The following ZNF207 variants were observed in gnomAD, a reference collection of about 807,000 sequenced individuals.
The protein encoded by ZNF207 is BUB3-interacting and GLEBS motif-containing protein ZNF207.
In ZNF207, 24 loss-of-function variants were observed where a neutral mutation model predicts 60.2. That is an observed-to-expected ratio of 0.40 (90% CI 0.29 to 0.56). The LOEUF is 0.56. ZNF207 is among the 20% of genes least tolerant of loss of function. ZNF207 has a pLI of 0.49. For missense variants in ZNF207, 452 were observed against 636.6 expected (o/e 0.71, Z 3.12); for synonymous variants, 236 against 194.7 (o/e 1.21, Z -1.77).
In ZNF207 at chr17:32,379,487, TA is replaced by T. The variant is rs1328952986; in HGVS notation, c.*9729del. The T allele has an allele frequency of 6.6e-6, 1 of 152,180 alleles. No individual in the cohort carries two copies. The highest frequency in any genetic ancestry group is 1.5e-5 in the Non-Finnish European group (1 of 67,992). 9.4% of individuals were successfully genotyped at this position (152,180 alleles called of 1,614,324 possible). A position where few individuals can be genotyped will look rare whatever the true frequency, so the allele number is the denominator to read the frequency against. On this transcript the variant is annotated 3_prime_UTR_variant, in exon 12 of 12. Transcript: ENST00000394670. ...AGATGGAATAAATGTTTAAAATTAG[TA>T]TTTAAGAAAGTTCTTAAACATTTTT...
chr17:32,350,799 TTTAGTAAAGAACCAAG>T (rs2150784484), intron 1 of ZNF207: 1 of 153,250 alleles, frequency 6.5e-6, no homozygotes, highest in Admixed American at 6.5e-5. Context: ...GAATTGGCGG[TTTAGTAAAGAACCAAG>T]TTAGTCAACC....
chr17:32,350,463 T>A (rs1176594871), intron 1 of ZNF207, 137 bp downstream of exon 1: 2 of 1,170,810 alleles, frequency 1.7e-6, no homozygotes, highest in Admixed American at 1.9e-5. Flanking sequence ...GTGGCTGGGA[T>A]TGGACTTGGG....
intron 1 of ZNF207, among the ~76,000 whole-genome samples, chr17:32,350,748 T>G (rs1047715250): frequency 1.3e-5 from 2 of 152,182 alleles, no homozygotes; most frequent in African/African-American, 4.8e-5. Flanking sequence ...CCACTTTTTC[T>G]GTTTTTATTT....
intron 2 of ZNF207, among the ~76,000 whole-genome samples, chr17:32,357,298 AATTTGCT>A: frequency 6.7e-6 from 1 of 148,738 alleles, no homozygotes; most frequent in African/African-American, 2.5e-5. Context: ...ATACTTAGAA[AATTTGCT>A]ATTCTAATTA....
At chr17:32,363,769 T>C (rs191614470) in intron 7 of ZNF207, among the ~76,000 whole-genome samples, 50 of 151,084 alleles carry the variant, frequency 3.3e-4, no homozygotes, top group Admixed American at 3.2e-3. Context: ...GACCTCAGGT[T>C]ATCCGCCTGC....
chr17:32,367,261 AT>A lies in ZNF207; in HGVS notation c.921+505del, dbSNP rs1567824904. ...GGATTATATATATATATATATATAT[AT>A]ATATATATATATATATATATATAAA... On this transcript the variant is annotated intron_variant, in intron 9 of 11. Coordinates refer to ENST00000394670, the MANE Select transcript of ZNF207 (RefSeq NM_001098507.2). Among the ~76,000 whole-genome samples, 70 of 113,428 alleles carry A rather than the reference AT, an allele frequency of 6.2e-4. 5 individuals are homozygous for A. The highest frequency in any genetic ancestry group is 2.3e-3 in the South Asian group (9 of 3,910). The allele number at this position is 113,428 out of a possible 152,430, so 74.4% of individuals were successfully genotyped here.
intron 2 of ZNF207, among the ~76,000 whole-genome samples, chr17:32,357,368 A>G (rs1034228716): frequency 1.2e-5 from 1 of 85,330 alleles, no homozygotes; most frequent in Non-Finnish European, 2.1e-5. Flanking sequence ...TTTTTTTTTG[A>G]GACAGAATCT....
intron 5 of ZNF207, 31 bp from the exon 6 acceptor site, chr17:32,361,433 CAGTT>C (rs776145938): frequency 1.2e-5 from 19 of 1,580,620 alleles, no homozygotes; most frequent in African/African-American, 2.7e-5. Flanking sequence ...TTGAAAATCA[CAGTT>C]AGATTTTGAT....
Position 32,376,170 on chromosome 17 carries a change from A to T in ZNF207, c.*6411A>T, listed in dbSNP as rs1285942391. 6.6e-6 allele frequency: 1 copy of T among 152,008 alleles called. No individual in the cohort carries two copies. Among genetic ancestry groups the T allele is most frequent in the Non-Finnish European group, 1.5e-5 (1 of 67,880 alleles). The allele number at this position is 152,008 out of a possible 1,614,324, so 9.4% of individuals were successfully genotyped here. ...TCTTAGGCACCCTATTATGGATCTA[A>T]TTCAAACCAATATGTAGGAAATGGA... is the stretch of plus-strand genomic sequence containing the variant. On this transcript the variant is annotated 3_prime_UTR_variant, in exon 12 of 12. Transcript: ENST00000394670.
intron 3 of ZNF207, 152 bp from the exon 4 acceptor site, chr17:32,360,446 A>T: frequency 1.4e-6 from 1 of 694,210 alleles, no homozygotes. Flanking sequence ...GCGAAAACAC[A>T]TTTGAAGAAC....
At chr17:32,361,321 C>CA (rs1904870473) in intron 5 of ZNF207, 147 bp from the exon 6 acceptor site, 3 of 608,722 alleles carry the variant, frequency 4.9e-6, no homozygotes, top group Middle Eastern at 4.3e-4. Context: ...ATTTATTTGT[C>CA]AAAGCATCAA....
rs796485925 is a variant in ZNF207 at position 32,377,782 on chromosome 17, T to TA, written c.*8037dup. The TA allele has an allele frequency of 0.018, 2,528 of 142,040 alleles. 29 individuals carry two copies. The highest frequency in any genetic ancestry group is 0.036 in the African/African-American group (1,394 of 38,976). The allele number at this position is 142,040 out of a possible 1,614,324, so 8.8% of individuals were successfully genotyped here. ...TAGCCAATATAAGGTAACTTCTGTT[T>TA]AAAAAAAAAAAAAACTAGGGAAAAG... On this transcript the variant is annotated 3_prime_UTR_variant, in exon 12 of 12. Transcript: ENST00000394670.
At chr17:32,362,160 A>G (rs1227859643) in intron 6 of ZNF207, among the ~76,000 whole-genome samples, 1 of 145,504 alleles carries the variant, frequency 6.9e-6, no homozygotes, top group African/African-American at 2.6e-5. Context: ...GTGTGTGTAT[A>G]TGTATGTATT....
rs1597803850 is a variant in ZNF207, at chr17:32,377,537, T to C, written c.*7778T>C. On this transcript the variant is annotated 3_prime_UTR_variant, in exon 12 of 12. Coordinates refer to ENST00000394670, the MANE Select transcript of ZNF207 (RefSeq NM_001098507.2). ...ATTGAGAATCTCTGATGTGACAAAA[T>C]CAATTTTTACAAAAGTTGAATTAAA... 1 of 152,112 alleles carries C rather than the reference T, an allele frequency of 6.6e-6. No individual in the cohort carries two copies. The highest frequency in any genetic ancestry group is 2.4e-5 in the African/African-American group (1 of 41,558). 9.4% of individuals were successfully genotyped at this position (152,112 alleles called of 1,614,324 possible).
In ZNF207 at chr17:32,368,164, A is replaced by G. The variant is rs138879877; in HGVS notation, c.1164+150A>G. ...GGTTTTTGCCATTCTGATTCTTAAG[A>G]AATCATAAAATACTTAAAGTGGACA... On this transcript the variant is annotated intron_variant, in intron 10 of 11. Transcript: ENST00000394670. 59 of 1,105,084 alleles carry G rather than the reference A, an allele frequency of 5.3e-5. No individual in the cohort carries two copies. In the East Asian group the frequency reaches 1.4e-3, roughly 27 times the overall value. 68.5% of individuals were successfully genotyped at this position (1,105,084 alleles called of 1,614,324 possible). A position where few individuals can be genotyped will look rare whatever the true frequency, so the allele number is the denominator to read the frequency against.
chr17:32,376,421 T>G lies in ZNF207; in HGVS notation c.*6662T>G, dbSNP rs1183717558. 1 of 152,112 alleles carries G rather than the reference T, an allele frequency of 6.6e-6. No homozygotes were observed. Among genetic ancestry groups the G allele is most frequent in the Non-Finnish European group, 1.5e-5 (1 of 67,934 alleles). The allele number at this position is 152,112 out of a possible 1,614,324, so 9.4% of individuals were successfully genotyped here. Reference sequence around the variant, plus strand: ...TATACATTTTTGCATAATATTTTAGTCTTGAAAAGCTTTTCATTTTCTTAA... The same window carrying G: ...TATACATTTTTGCATAATATTTTAGGCTTGAAAAGCTTTTCATTTTCTTAA... On this transcript the variant is annotated 3_prime_UTR_variant, in exon 12 of 12. Coordinates refer to ENST00000394670, the MANE Select transcript of ZNF207 (RefSeq NM_001098507.2).
chr17:32,368,380 T>C (rs192487755), intron 10 of ZNF207: 2 of 196,662 alleles, frequency 1.0e-5, no homozygotes, highest in East Asian at 2.7e-4. Context: ...TATAAATGAA[T>C]GAATTTTGAT....
chr17:32,367,282 T>TATATATATATGTAA, intron 9 of ZNF207, among the ~76,000 whole-genome samples: 1 of 82,854 alleles, frequency 1.2e-5, no homozygotes, highest in South Asian at 3.7e-4. Flanking sequence ...TATATATATA[T>TATATATATATGTAA]ATAAAGAATA....
chr17:32,360,369 C>A (rs913807210), intron 3 of ZNF207, among the ~76,000 whole-genome samples: 6 of 151,986 alleles, frequency 3.9e-5, no homozygotes, highest in African/African-American at 1.2e-4. Flanking sequence ...AGAAAAAATA[C>A]TGATTTAGGA....
Sources: gnomAD v4.1 joint callset for allele counts (sites outside exome capture counted in the v4.1 genomes callset) on GRCh38, gnomAD v4.1.1 for gene constraint, MANE v1.5 for transcripts, NCBI Gene and HGNC (gene_info 2026-07-23, HGNC 2026-07-21) for gene names.